MGMT: variants seen among roughly 807,000 people sequenced by gnomAD.
The protein encoded by MGMT is methylated-DNA--protein-cysteine methyltransferase.
MGMT carries 14 observed loss-of-function variants against 15.9 expected under a neutral mutation model. The observed-to-expected ratio is 0.88, with a 90% confidence interval of 0.58 to 1.37. The LOEUF (loss-of-function observed/expected upper bound fraction) is 1.37, where lower values mean the gene tolerates loss of function less well. MGMT is among the 40% of genes most tolerant of loss of function. MGMT has a pLI of 0.00. For missense variants in MGMT, 282 were observed against 268.1 expected (o/e 1.05, Z -0.36); for synonymous variants, 130 against 118.2 (o/e 1.10, Z -0.65).
intron 1 of MGMT, among the ~76,000 whole-genome samples, chr10:129,467,661 A>G (rs561891090): frequency 1.5e-4 from 23 of 152,302 alleles, no homozygotes; most frequent in African/African-American, 5.3e-4. Flanking sequence ...AGCTTCCAGA[A>G]GCCCCTGCGC....
At chr10:129,651,553 A>C (rs527584771) in intron 2 of MGMT, among the ~76,000 whole-genome samples, 1 of 152,222 alleles carries the variant, frequency 6.6e-6, no homozygotes, top group African/African-American at 2.4e-5. Context: ...ATATTTGTCT[A>C]CCTAATTTTC....
chr10:129,538,896 A>G (rs951668550), intron 2 of MGMT, among the ~76,000 whole-genome samples: 3 of 152,156 alleles, frequency 2.0e-5, no homozygotes, highest in African/African-American at 7.2e-5. Context: ...GGCCTCCCAA[A>G]GTACTGGGAT....
intron 2 of MGMT, among the ~76,000 whole-genome samples, chr10:129,657,699 A>ATG (rs1847542957): frequency 8.0e-6 from 1 of 124,816 alleles, no homozygotes; most frequent in Non-Finnish European, 1.7e-5. Flanking sequence ...ACACACACAC[A>ATG]CACACACGCA....
intron 2 of MGMT, among the ~76,000 whole-genome samples, chr10:129,609,074 G>A (rs1589891763): frequency 6.6e-6 from 1 of 152,190 alleles, no homozygotes; most frequent in Non-Finnish European, 1.5e-5. Context: ...GGGCAGGTCC[G>A]GGCTCAGTGG....
At chr10:129,537,730 CAAGTT>C (rs1189077609) in intron 2 of MGMT, among the ~76,000 whole-genome samples, 1 of 151,978 alleles carries the variant, frequency 6.6e-6, no homozygotes, top group African/African-American at 2.4e-5. Flanking sequence ...CTTTCTGAAT[CAAGTT>C]AGGATCAGGT....
At chr10:129,754,096 C>G (rs533972620) in intron 3 of MGMT, among the ~76,000 whole-genome samples, 1 of 152,178 alleles carries the variant, frequency 6.6e-6, no homozygotes, top group Non-Finnish European at 1.5e-5. Context: ...TACAGCAGTT[C>G]TCAAAGTCTG....
chr10:129,657,689 ACACACACACACACACACG>A (rs1277794879), intron 2 of MGMT, among the ~76,000 whole-genome samples: 3 of 140,460 alleles, frequency 2.1e-5, no homozygotes, highest in African/African-American at 5.6e-5. Flanking sequence ...ACACACACAC[ACACACACACACACACACG>A]CACACACACA....
At chr10:129,714,164 C>T (rs577181731) in intron 3 of MGMT, among the ~76,000 whole-genome samples, 25 of 152,358 alleles carry the variant, frequency 1.6e-4, no homozygotes, top group African/African-American at 4.6e-4. Context: ...TTTGCCTGCA[C>T]GGGCTGGCCC....
intron 1 of MGMT, among the ~76,000 whole-genome samples, chr10:129,513,876 G>T (rs1845710361): frequency 6.6e-6 from 1 of 152,210 alleles, no homozygotes; most frequent in Admixed American, 6.5e-5. Flanking sequence ...GGTAGTCGTA[G>T]AAGTGGAGAA....
At chr10:129,688,900 C>T (rs1003733953) in intron 2 of MGMT, among the ~76,000 whole-genome samples, 1 of 151,992 alleles carries the variant, frequency 6.6e-6, no homozygotes, top group Admixed American at 6.6e-5. Flanking sequence ...ACTTAAGTGT[C>T]ATGTAGTGGG....
chr10:129,760,191 C>A (rs1848856015), intron 4 of MGMT, among the ~76,000 whole-genome samples: 1 of 152,232 alleles, frequency 6.6e-6, no homozygotes, highest in Non-Finnish European at 1.5e-5. Context: ...CATCTGGCAT[C>A]TGGCATGAGG....
chr10:129,529,807 A>AGTT (rs368404152), intron 1 of MGMT, among the ~76,000 whole-genome samples: 1 of 41,932 alleles, frequency 2.4e-5, no homozygotes, highest in African/African-American at 5.2e-5. Context: ...ACAGTGTAAC[A>AGTT]TTAGCTTTTT....
At chr10:129,536,538 C>A in intron 2 of MGMT, 161 bp downstream of exon 2, 1 of 846,272 alleles carries the variant, frequency 1.2e-6, no homozygotes, top group Non-Finnish European at 1.7e-6. Context: ...GCTGCGACGG[C>A]TCCTGCATTT....
At chr10:129,518,141 G>T (rs1347646917) in intron 1 of MGMT, among the ~76,000 whole-genome samples, 1 of 151,938 alleles carries the variant, frequency 6.6e-6, no homozygotes, top group Admixed American at 6.6e-5. Flanking sequence ...GTATCTCACC[G>T]TGTCCAGCAT....
At chr10:129,752,252 T>C (rs1848757753) in intron 3 of MGMT, among the ~76,000 whole-genome samples, 1 of 152,020 alleles carries the variant, frequency 6.6e-6, no homozygotes, top group Non-Finnish European at 1.5e-5. Context: ...CTTTTTACCC[T>C]CTGGGAATTT....
chr10:129,638,433 A>AAAAAAAAAAAAAAAC (rs1847287866), intron 2 of MGMT, among the ~76,000 whole-genome samples: 1 of 129,618 alleles, frequency 7.7e-6, no homozygotes, highest in Non-Finnish European at 1.6e-5. Flanking sequence ...AAGAGGCAAA[A>AAAAAAAAAAAAAAAC]AAAAAAAAAA....
chr10:129,582,085 G>A (rs889539144), intron 2 of MGMT, among the ~76,000 whole-genome samples: 4 of 152,196 alleles, frequency 2.6e-5, no homozygotes, highest in African/African-American at 7.2e-5. Context: ...CTTCACATTT[G>A]CTTACAAGTG....
rs1302944568 is a variant in MGMT, at chr10:129,597,918, G to A, written c.125+61541G>A. Reference sequence around the variant, plus strand: ...CATAGGGCATTTTTAGGGAGGTTGTGGCATTGACGTATTCTGTGTTGCTTC... The same window carrying A: ...CATAGGGCATTTTTAGGGAGGTTGTAGCATTGACGTATTCTGTGTTGCTTC... On this transcript the variant is annotated intron_variant, in intron 2 of 4. Coordinates refer to ENST00000651593, the MANE Select transcript of MGMT (RefSeq NM_002412.5). Among the ~76,000 whole-genome samples the A allele has an allele frequency of 2.6e-5, 4 of 152,180 alleles. No individual in the cohort carries two copies. In the East Asian group the frequency reaches 7.7e-4, roughly 29 times the overall value.
At chr10:129,605,846 G>C (rs150624642) in intron 2 of MGMT, among the ~76,000 whole-genome samples, 3,930 of 152,086 alleles carry the variant, frequency 0.026, 80 homozygotes, top group South Asian at 0.064. Flanking sequence ...AACACCCGTT[G>C]TGCTGTGTGT....
Sources: gnomAD v4.1 joint callset for allele counts (sites outside exome capture counted in the v4.1 genomes callset) on GRCh38, gnomAD v4.1.1 for gene constraint, MANE v1.5 for transcripts, NCBI Gene and HGNC (gene_info 2026-07-23, HGNC 2026-07-21) for gene names.